Variants in TARS3 observed in about 807,000 individuals in gnomAD.
TARS3 encodes the protein threonine--tRNA ligase 2, cytoplasmic.
TARS3 carries 94 observed loss-of-function variants against 103.5 expected under a neutral mutation model. That is an observed-to-expected ratio of 0.91 (90% CI 0.77 to 1.08). The LOEUF (loss-of-function observed/expected upper bound fraction) is 1.08. Among genes scored for constraint, TARS3 ranks in the 50% least tolerant of loss-of-function variants. The probability of loss-of-function intolerance (pLI) is 0.00; values close to 1 mark genes in which losing one functional copy is unlikely to be tolerated. For synonymous variants in TARS3, 416 were observed against 355.4 expected (o/e 1.17, Z -1.92); for missense variants, 952 against 995.2 (o/e 0.96, Z 0.58).
chr15:101,689,374 C>T (rs891251215), intron 10 of TARS3, among the ~76,000 whole-genome samples: 12 of 152,160 alleles, frequency 7.9e-5, no homozygotes, highest in African/African-American at 2.7e-4. Flanking sequence ...TAACTGTATT[C>T]TCCAAATAAG....
At chr15:101,709,703 G>A (rs779466545) in intron 5 of TARS3, among the ~76,000 whole-genome samples, 2 of 152,194 alleles carry the variant, frequency 1.3e-5, no homozygotes, top group African/African-American at 2.4e-5. Flanking sequence ...TTAGCTCCAT[G>A]AGGACAGACT....
At chr15:101,698,998 A>G (rs78390360) in intron 10 of TARS3, among the ~76,000 whole-genome samples, 6 of 152,270 alleles carry the variant, frequency 3.9e-5, no homozygotes, top group Non-Finnish European at 7.4e-5. Flanking sequence ...GCCGGCCCTA[A>G]CCCAGTGCAA....
intron 8 of TARS3, among the ~76,000 whole-genome samples, chr15:101,703,155 G>A (rs1215800487): frequency 1.3e-5 from 2 of 152,150 alleles, no homozygotes; most frequent in East Asian, 1.9e-4. Context: ...CCAGAGCGAT[G>A]TTTTCTCCAT....
At chr15:101,664,980 G>A (rs983324485) in intron 15 of TARS3, among the ~76,000 whole-genome samples, 2 of 152,188 alleles carry the variant, frequency 1.3e-5, no homozygotes, top group Non-Finnish European at 2.9e-5. Flanking sequence ...AAAGTCATTC[G>A]ATGGATTCAG....
intron 10 of TARS3, among the ~76,000 whole-genome samples, chr15:101,700,643 C>CT (rs756944000): frequency 0.012 from 1,771 of 144,974 alleles, 56 homozygotes; most frequent in East Asian, 0.098. Flanking sequence ...TAGTACCTCA[C>CT]TTTTTTTTTT....
rs1567354511 is a variant in TARS3 at position 101,711,959 on chromosome 15, C to T, written c.733G>A (p.Glu245Lys). 3.7e-6 allele frequency: 6 copies of T among 1,613,934 alleles called. No individual in the cohort carries two copies. The highest frequency in any genetic ancestry group is 4.2e-6 in the Non-Finnish European group (5 of 1,179,822). Residue 245 changes from glutamate (E) to lysine (K), a missense_variant, in exon 5 of 19, where the codon GAG becomes AAG. This residue lies in a region of TARS3 where 412 missense variants were observed against 364.2 expected (regional missense o/e 1.13). Transcript: ENST00000335968. Reference protein sequence around the residue: ...SSAHILGEAMELYYGGHLCYG... With the variant: ...SSAHILGEAMKLYYGGHLCYG... ...CACAGGTGGCCTCCATAGTAAAGCT[C>T]CATGGCCTCCCCAAGAATGTGAGCA...
intron 18 of TARS3, among the ~76,000 whole-genome samples, chr15:101,655,301 G>A (rs145373520): frequency 7.1e-6 from 1 of 140,180 alleles, no homozygotes; most frequent in Non-Finnish European, 1.5e-5. Flanking sequence ...GCACTAGGGC[G>A]CAGATGAGAG....
intron 12 of TARS3, among the ~76,000 whole-genome samples, chr15:101,675,969 C>G (rs1378864696): frequency 1.4e-5 from 2 of 147,058 alleles, no homozygotes; most frequent in African/African-American, 2.7e-5. Context: ...AAGGCAGCGC[C>G]GCGCACAGGA....
At chr15:101,664,935 G>A (rs1221511019) in intron 15 of TARS3, among the ~76,000 whole-genome samples, 1 of 152,012 alleles carries the variant, frequency 6.6e-6, no homozygotes, top group Non-Finnish European at 1.5e-5. Context: ...AACAGAGATT[G>A]TAGAACTGAA....
At chr15:101,658,624 C>T (rs947640276) in intron 16 of TARS3, among the ~76,000 whole-genome samples, 1 of 152,112 alleles carries the variant, frequency 6.6e-6, no homozygotes, top group African/African-American at 2.4e-5. Flanking sequence ...GTCCGTGTGA[C>T]ACAGCTAAAT....
chr15:101,714,398 G>A (rs544010634), intron 4 of TARS3, among the ~76,000 whole-genome samples: 1 of 152,064 alleles, frequency 6.6e-6, no homozygotes, highest in South Asian at 2.1e-4. Context: ...GAGCCCAGGA[G>A]TTTGAGAACA....
At chr15:101,683,238 G>A (rs1898326332) in intron 12 of TARS3, among the ~76,000 whole-genome samples, 1 of 152,100 alleles carries the variant, frequency 6.6e-6, no homozygotes. Flanking sequence ...GGTATTCAGT[G>A]CTATAAACAT....
At position 101,721,315 on chromosome 15, in the gene TARS3, T is replaced by C. The variant is rs1254435708; in HGVS notation, c.377A>G (p.His126Arg). The C allele has an allele frequency of 6.2e-7, 1 of 1,608,648 alleles. No homozygotes were observed. The highest frequency in any genetic ancestry group is 8.5e-7 in the Non-Finnish European group (1 of 1,175,388). ...KESEADSEVK[H>R]QPIFIKERLK... ...TCTTTCTTTTATGAAAATTGGTTGA[T>C]GCTTCACCTGGAAATTATTAGAACA... Residue 126 changes from histidine (H) to arginine (R), a missense_variant, in exon 3 of 19, where the codon CAT becomes CGT. Physicochemically the swap from His to Arg is conservative, Grantham distance 29. Transcript: ENST00000335968.
At chr15:101,682,763 C>CT in intron 12 of TARS3, among the ~76,000 whole-genome samples, 1 of 152,100 alleles carries the variant, frequency 6.6e-6, no homozygotes. Flanking sequence ...CCATCTTGGC[C>CT]TGGAGTTTTC....
chr15:101,722,836 C>A (rs370692641), intron 2 of TARS3, among the ~76,000 whole-genome samples: 6 of 150,948 alleles, frequency 4.0e-5, no homozygotes, highest in South Asian at 2.1e-4. Context: ...CAAAAAAAAA[C>A]CAACCAAACA....
intron 11 of TARS3, 43 bp downstream of exon 11, chr15:101,685,853 T>C: frequency 6.5e-7 from 1 of 1,528,076 alleles, no homozygotes; most frequent in Non-Finnish European, 8.9e-7. Flanking sequence ...CGAAGCGTGC[T>C]ATGTGCTCTC....
At chr15:101,718,575 T>C (rs371113272) in intron 3 of TARS3, among the ~76,000 whole-genome samples, 17 of 152,128 alleles carry the variant, frequency 1.1e-4, no homozygotes, top group African/African-American at 3.6e-4. Context: ...GGGACAGGCA[T>C]TGATAGCCCT....
chr15:101,695,052 A>G (rs1197422445), intron 10 of TARS3, among the ~76,000 whole-genome samples: 2 of 152,228 alleles, frequency 1.3e-5, no homozygotes, highest in Admixed American at 6.5e-5. Context: ...AATGAATTGC[A>G]TACTTAAAAA....
At chr15:101,680,285 G>C (rs115391774) in intron 12 of TARS3, among the ~76,000 whole-genome samples, 1,581 of 152,350 alleles carry the variant, frequency 0.01, 33 homozygotes, top group African/African-American at 0.036. Context: ...GGTTGAAATA[G>C]AGTAGATATT....
Sources: allele counts gnomAD v4.1 joint callset (sites outside exome capture counted in the v4.1 genomes callset), GRCh38; gene constraint gnomAD v4.1.1; regional missense constraint gnomAD v4.1.1; transcripts MANE v1.5; gene names NCBI Gene and HGNC (gene_info 2026-07-23, HGNC 2026-07-21).